The following SAMMSON variants were observed in gnomAD, a reference collection of about 807,000 sequenced individuals.
The protein encoded by SAMMSON is long intergenic non-protein coding RNA 1212.
intron 9 of SAMMSON, among the ~76,000 whole-genome samples, chr3:70,383,422 T>G (rs1703090977): frequency 6.6e-6 from 1 of 151,950 alleles, no homozygotes; most frequent in Non-Finnish European, 1.5e-5. Flanking sequence ...GAAAATAGCT[T>G]TCATTTTCGT....
intron 8 of SAMMSON, chr3:70,358,125 T>G (rs554973877): frequency 6.6e-6 from 1 of 152,162 alleles, no homozygotes; most frequent in South Asian, 2.1e-4. Context: ...TAAAGTATAT[T>G]GACTTATAAT....
chr3:70,073,363 T>G (rs2067237070), intron 4 of SAMMSON, among the ~76,000 whole-genome samples: 1 of 152,074 alleles, frequency 6.6e-6, no homozygotes, highest in Admixed American at 6.6e-5. Context: ...AATATATTGT[T>G]GTATTTTATT....
intron 3 of SAMMSON, among the ~76,000 whole-genome samples, chr3:70,057,773 T>G (rs2067173428): frequency 1.3e-5 from 2 of 152,022 alleles, no homozygotes. Flanking sequence ...TATTGCAGAA[T>G]GTTGGTGTTG....
chr3:70,127,185 C>A (rs1290532592), intron 4 of SAMMSON: 1 of 152,158 alleles, frequency 6.6e-6, no homozygotes, highest in Non-Finnish European at 1.5e-5. Flanking sequence ...AGCAAAGCTT[C>A]CCAAATAATG....
At chr3:70,098,558 G>A (rs1239975276) in intron 4 of SAMMSON, among the ~76,000 whole-genome samples, 3 of 151,938 alleles carry the variant, frequency 2.0e-5, no homozygotes, top group African/African-American at 4.8e-5. Context: ...TAGTAGAAAC[G>A]GGGTTTCACC....
chr3:70,211,620 C>G (rs1701350363), intron 4 of SAMMSON, among the ~76,000 whole-genome samples: 1 of 122,454 alleles, frequency 8.2e-6, no homozygotes, highest in Non-Finnish European at 1.7e-5. Flanking sequence ...CCTTCCCTTT[C>G]CTTCCTTTCC....
intron 6 of SAMMSON, among the ~76,000 whole-genome samples, chr3:70,259,391 C>G (rs753292112): frequency 1.1e-4 from 16 of 151,542 alleles, no homozygotes; most frequent in Non-Finnish European, 2.1e-4. Context: ...ACATGGAATT[C>G]CTTGAATAAA....
chr3:70,103,640 G>A (rs1278606456), intron 4 of SAMMSON, among the ~76,000 whole-genome samples: 2 of 152,090 alleles, frequency 1.3e-5, no homozygotes, highest in African/African-American at 4.8e-5. Context: ...ACTTACTACT[G>A]CACAAGATAG....
At chr3:70,433,992 A>T (rs1015831440) in intron 2 of SAMMSON, among the ~76,000 whole-genome samples, 1 of 152,162 alleles carries the variant, frequency 6.6e-6, no homozygotes, top group African/African-American at 2.4e-5. Flanking sequence ...ATTCTGTTCC[A>T]TTCATCTGTT....
At chr3:70,017,861 G>T (rs1447574698) in intron 3 of SAMMSON, among the ~76,000 whole-genome samples, 3 of 152,022 alleles carry the variant, frequency 2.0e-5, no homozygotes, top group African/African-American at 7.3e-5. Flanking sequence ...TTTGTCTTTG[G>T]TTCTGTTTAT....
intron 7 of SAMMSON, among the ~76,000 whole-genome samples, chr3:70,348,484 G>C (rs1008559671): frequency 6.6e-6 from 1 of 152,148 alleles, no homozygotes; most frequent in Non-Finnish European, 1.5e-5. Flanking sequence ...ATGGCAGAGA[G>C]AGAGAGAGAG....
intron 7 of SAMMSON, among the ~76,000 whole-genome samples, chr3:70,332,525 G>T (rs1468945739): frequency 6.6e-6 from 1 of 152,142 alleles, no homozygotes; most frequent in African/African-American, 2.4e-5. Context: ...ACTTAAAATA[G>T]ATCAGTAGTA....
intron 4 of SAMMSON, among the ~76,000 whole-genome samples, chr3:70,155,015 G>GT (rs142085321): frequency 1.1e-3 from 167 of 147,474 alleles, no homozygotes; most frequent in Middle Eastern, 3.6e-3. Context: ...AACATTTCAT[G>GT]TTTTTTTTTT....
At chr3:70,088,273 A>G (rs2067292781) in intron 4 of SAMMSON, among the ~76,000 whole-genome samples, 1 of 152,178 alleles carries the variant, frequency 6.6e-6, no homozygotes, top group African/African-American at 2.4e-5. Flanking sequence ...GTTAGAATAT[A>G]TGTGTTCTGA....
intron 4 of SAMMSON, among the ~76,000 whole-genome samples, chr3:70,160,358 C>T: frequency 6.6e-6 from 1 of 151,154 alleles, no homozygotes; most frequent in Non-Finnish European, 1.5e-5. Context: ...TCCCTTCCTC[C>T]CTCCCTCCCT....
intron 7 of SAMMSON, among the ~76,000 whole-genome samples, chr3:70,317,404 T>C (rs1702502489): frequency 6.6e-6 from 1 of 151,948 alleles, no homozygotes; most frequent in Non-Finnish European, 1.5e-5. Context: ...TTAATTAAGA[T>C]AAGTACAATT....
At chr3:70,131,615 T>A (rs999593262) in intron 4 of SAMMSON, among the ~76,000 whole-genome samples, 11 of 152,216 alleles carry the variant, frequency 7.2e-5, no homozygotes, top group Admixed American at 3.9e-4. Flanking sequence ...AATAGAGGGT[T>A]TCGCTTTGCT....
chr3:70,186,263 A>T (rs1324615156), intron 4 of SAMMSON, among the ~76,000 whole-genome samples: 2 of 144,448 alleles, frequency 1.4e-5, no homozygotes, highest in Admixed American at 6.9e-5. Flanking sequence ...CAATAATGGG[A>T]TTTTTTTTTT....
chr3:70,350,964 G>A (rs537247617), intron 7 of SAMMSON, among the ~76,000 whole-genome samples: 1 of 152,208 alleles, frequency 6.6e-6, no homozygotes, highest in South Asian at 2.1e-4. Context: ...AATATGAAAT[G>A]AGCTTAATGT....
Sources: gnomAD v4.1 joint callset for allele counts (sites outside exome capture counted in the v4.1 genomes callset) on GRCh38, gnomAD v4.1.1 for gene constraint, MANE v1.5 for transcripts, NCBI Gene and HGNC (gene_info 2026-07-23, HGNC 2026-07-21) for gene names.